Variants in ADAMTS20 observed in about 807,000 individuals in gnomAD.
ADAMTS20 encodes the protein ADAM metallopeptidase with thrombospondin type 1 motif 20.
Under a neutral mutation model 260.1 loss-of-function variants are expected in ADAMTS20, and 225 were observed. The observed-to-expected ratio is 0.87, with a 90% CI of 0.78 to 0.97. The LOEUF is 0.97. Ranked by LOEUF, ADAMTS20 falls within the 50% of genes least tolerant of loss-of-function variation. The pLI is 0.00. For missense variants in ADAMTS20, 2,400 were observed against 2,337.7 expected (o/e 1.03, Z -0.55); for synonymous variants, 802 against 769.5 (o/e 1.04, Z -0.70).
Position 43,354,128 on chromosome 12 carries a change from G to T in ADAMTS20, c.*81C>A. ...TGGACATGGAAATCTCGGGAAGGGA[G>T]ATATAAAGAAATGAGCACCAGTTAT... On this transcript the variant is annotated 3_prime_UTR_variant, in exon 39 of 39. Transcript: ENST00000389420. The T allele has an allele frequency of 9.4e-7, 1 of 1,064,504 alleles. No homozygotes were observed. Among genetic ancestry groups the T allele is most frequent in the Non-Finnish European group, 1.4e-6 (1 of 735,998 alleles). The allele number at this position is 1,064,504 out of a possible 1,614,324, so 65.9% of individuals were successfully genotyped here. A position where few individuals can be genotyped will look rare whatever the true frequency, so the allele number is the denominator to read the frequency against.
chr12:43,543,149 A>C (rs979963132), intron 2 of ADAMTS20, among the ~76,000 whole-genome samples: 1 of 151,952 alleles, frequency 6.6e-6, no homozygotes, highest in East Asian at 1.9e-4. Flanking sequence ...AAAATTTTAA[A>C]AAAGAAAAAA....
chr12:43,477,190 C>G (rs192785743), intron 7 of ADAMTS20, among the ~76,000 whole-genome samples: 17 of 151,988 alleles, frequency 1.1e-4, no homozygotes, highest in Admixed American at 1.0e-3. Flanking sequence ...TGGCAGAAAG[C>G]TATAAAACCA....
chr12:43,484,518 C>T (rs973779723), intron 7 of ADAMTS20, among the ~76,000 whole-genome samples: 19 of 152,022 alleles, frequency 1.2e-4, no homozygotes, highest in Non-Finnish European at 1.5e-4. Flanking sequence ...GACACATTTA[C>T]GAAACTAGAA....
chr12:43,393,220 A>G (rs1940631478), intron 29 of ADAMTS20, among the ~76,000 whole-genome samples: 1 of 152,092 alleles, frequency 6.6e-6, no homozygotes, highest in Non-Finnish European at 1.5e-5. Flanking sequence ...ATATGTATCC[A>G]TTATTTTAAC....
intron 29 of ADAMTS20, among the ~76,000 whole-genome samples, chr12:43,392,298 A>G (rs912023524): frequency 3.3e-5 from 5 of 152,270 alleles, no homozygotes; most frequent in African/African-American, 1.2e-4. Flanking sequence ...TCCTGCCTCT[A>G]AGCCTGAAAA....
Position 43,354,215 on chromosome 12 carries a change from G to A in ADAMTS20, c.5727C>T (p.Val1909=). Residue 1909 remains valine, a synonymous_variant, in exon 39 of 39, where the codon GTC becomes GTT. Coordinates refer to ENST00000389420, the MANE Select transcript of ADAMTS20 (RefSeq NM_025003.5). Reference sequence around the variant, plus strand: ...ACTTCCCCCTTCTAAATGTTCATATGACTTGAATTGGGAGACCAGTAGTCA... The same window carrying A: ...ACTTCCCCCTTCTAAATGTTCATATAACTTGAATTGGGAGACCAGTAGTCA... ...PHMTTGLPIQ[V]I 6.3e-7 allele frequency: 1 copy of A among 1,581,134 alleles called. No individual in the cohort carries two copies. Among genetic ancestry groups the A allele is most frequent in the East Asian group, 2.3e-5 (1 of 44,050 alleles).
chr12:43,428,112 A>G, intron 26 of ADAMTS20, 129 bp downstream of exon 26: 1 of 962,630 alleles, frequency 1.0e-6, no homozygotes, highest in East Asian at 2.6e-5. Context: ...TAATCTTTTT[A>G]ATATTTAAAC....
Position 43,452,625 on chromosome 12 carries a change from G to T in ADAMTS20, c.1831C>A (p.Pro611Thr). 6.2e-7 allele frequency: 1 copy of T among 1,613,210 alleles called. No individual in the cohort carries two copies. The highest frequency in any genetic ancestry group is 8.5e-7 in the Non-Finnish European group (1 of 1,179,656). Residue 611 changes from proline to threonine, a missense_variant, in exon 13 of 39, where the codon CCA (proline) becomes ACA (threonine). Pro to Thr is a conservative substitution (Grantham distance 38). Coordinates refer to ENST00000389420, the MANE Select transcript of ADAMTS20 (RefSeq NM_025003.5). ...TCTCGAAAGTCTTGTGTGCCTTTTG[G>T]ACATGAATCAGTATTACATGATCGA... ...KFRSCNTDSC[P>T]KGTQDFREKQ... is the part of the protein sequence containing the mutation.
chr12:43,547,575 C>T (rs545159908), intron 2 of ADAMTS20, among the ~76,000 whole-genome samples: 5 of 152,192 alleles, frequency 3.3e-5, no homozygotes, highest in South Asian at 2.1e-4. Context: ...TAGAAGAGTT[C>T]GACAAAGAGA....
In ADAMTS20 at chr12:43,493,261, TAA is replaced by T; in HGVS notation, c.868-10_868-9del. 6.6e-7 allele frequency: 1 copy of T among 1,521,264 alleles called. No homozygotes were observed. The highest frequency in any genetic ancestry group is 1.2e-5 in the South Asian group (1 of 81,988). 94.2% of individuals were successfully genotyped at this position (1,521,264 alleles called of 1,614,324 possible). On this transcript the variant is annotated splice_polypyrimidine_tract_variant and intron_variant, in intron 4 of 38. Transcript: ENST00000389420. ...TTTGTAGATTGTTGCAACCTGCATG[TAA>T]AAAAAATGTAGGATTAGTTGTTTAA...
chr12:43,499,636 C>T (rs1310564614), intron 4 of ADAMTS20, among the ~76,000 whole-genome samples: 2 of 151,966 alleles, frequency 1.3e-5, no homozygotes, highest in East Asian at 3.9e-4. Flanking sequence ...TCCCGAGTAG[C>T]TGGGATTATA....
intron 2 of ADAMTS20, among the ~76,000 whole-genome samples, chr12:43,549,004 G>T (rs987163853): frequency 6.6e-6 from 1 of 151,896 alleles, no homozygotes; most frequent in Non-Finnish European, 1.5e-5. Flanking sequence ...TTTAGTAAAA[G>T]AACATTCAGA....
intron 18 of ADAMTS20, among the ~76,000 whole-genome samples, chr12:43,437,439 C>G (rs534857889): frequency 6.6e-6 from 1 of 152,040 alleles, no homozygotes; most frequent in Admixed American, 6.5e-5. Flanking sequence ...AAAAAACAAC[C>G]AAATCAAGGC....
intron 28 of ADAMTS20, among the ~76,000 whole-genome samples, chr12:43,408,782 G>T (rs1346249295): frequency 6.6e-6 from 1 of 152,088 alleles, no homozygotes; most frequent in Non-Finnish European, 1.5e-5. Flanking sequence ...TTAACTATTT[G>T]TATCAATATT....
chr12:43,427,512 C>A, intron 26 of ADAMTS20, 43 bp from the exon 27 acceptor site: 2 of 1,528,832 alleles, frequency 1.3e-6, no homozygotes, highest in Non-Finnish European at 8.8e-7. Context: ...CTGCGGATTC[C>A]ACATAATGAA....
At chr12:43,529,676 C>A (rs56026902) in intron 3 of ADAMTS20, among the ~76,000 whole-genome samples, 15,400 of 151,872 alleles carry the variant, frequency 0.1, 1,006 homozygotes, top group Middle Eastern at 0.19. Flanking sequence ...GAGGGGGGTG[C>A]GGAATAAAAA....
rs1592037126 is a variant in ADAMTS20 at position 43,380,464 on chromosome 12, G to A, written c.4798-2902C>T. On this transcript the variant is annotated intron_variant, in intron 31 of 38. Transcript: ENST00000389420. ...AATTGGACAAGGAAAGGTACAAAAG[G>A]CATCCATCTTTAAAGAAAGAAGTAA... 2.6e-5 allele frequency among the ~76,000 whole-genome samples: 4 copies of A among 152,090 alleles called. No homozygotes were observed. The East Asian group carries it at 7.7e-4, about 29-fold the overall frequency.
chr12:43,435,588 C>T (rs1941535868), intron 18 of ADAMTS20, among the ~76,000 whole-genome samples: 2 of 148,494 alleles, frequency 1.3e-5, no homozygotes, highest in African/African-American at 5.0e-5. Flanking sequence ...TTGCAGTGAG[C>T]CGAGATCGCA....
In ADAMTS20 at chr12:43,369,214, G is replaced by T. The variant is rs1940050160; in HGVS notation, c.5538+76C>A. On this transcript the variant is annotated intron_variant, in intron 37 of 38. Coordinates refer to ENST00000389420, the MANE Select transcript of ADAMTS20 (RefSeq NM_025003.5). ...TTACTTATGTTTCTTGCAATATTCT[G>T]GTTAAAAAAATGAATGAAGAGAAGC... 5 of 871,630 alleles carry T rather than the reference G, an allele frequency of 5.7e-6. No individual in the cohort carries two copies. The South Asian group carries it at 1.5e-4, about 26-fold the overall frequency. 54.0% of individuals were successfully genotyped at this position (871,630 alleles called of 1,614,324 possible). A position where few individuals can be genotyped will look rare whatever the true frequency, so the allele number is the denominator to read the frequency against.
Sources: gnomAD v4.1 joint callset for allele counts (sites outside exome capture counted in the v4.1 genomes callset) on GRCh38, gnomAD v4.1.1 for gene constraint, MANE v1.5 for transcripts, NCBI Gene and HGNC (gene_info 2026-07-23, HGNC 2026-07-21) for gene names.